The following ADAMTS17 variants were observed in gnomAD, a reference collection of about 807,000 sequenced individuals.
ADAMTS17 encodes the protein ADAM metallopeptidase with thrombospondin type 1 motif 17.
Under a neutral mutation model 141.5 loss-of-function variants are expected in ADAMTS17, and 113 were observed. The observed-to-expected ratio is 0.80, with a 90% confidence interval of 0.69 to 0.93. The LOEUF is 0.93. Ranked by LOEUF, ADAMTS17 falls within the 40% of genes least tolerant of loss-of-function variation. The probability of loss-of-function intolerance (pLI) is 0.00; values close to 1 mark genes in which losing one functional copy is unlikely to be tolerated. For missense variants in ADAMTS17, 1,659 were observed against 1,517.9 expected (o/e 1.09, Z -1.54); for synonymous variants, 768 against 630.6 (o/e 1.22, Z -3.27).
intron 14 of ADAMTS17, among the ~76,000 whole-genome samples, chr15:100,100,280 G>A (rs146593074): frequency 0.01 from 1,556 of 152,280 alleles, 37 homozygotes; most frequent in African/African-American, 0.035. Flanking sequence ...CTTCGACTCC[G>A]TGAAAGTGGG....
intron 18 of ADAMTS17, among the ~76,000 whole-genome samples, chr15:100,007,130 T>C (rs1031633199): frequency 6.6e-5 from 10 of 152,256 alleles, no homozygotes; most frequent in Admixed American, 1.3e-4. Flanking sequence ...ATCTGACAAG[T>C]GCTGTGAAGG....
At chr15:100,251,317 T>C (rs2043147221) in intron 7 of ADAMTS17, among the ~76,000 whole-genome samples, 2 of 152,194 alleles carry the variant, frequency 1.3e-5, no homozygotes, top group South Asian at 2.1e-4. Flanking sequence ...CCTAGTAACA[T>C]GTGACAAAGT....
At chr15:100,333,504 T>A (rs548135030) in intron 2 of ADAMTS17, among the ~76,000 whole-genome samples, 1 of 152,196 alleles carries the variant, frequency 6.6e-6, no homozygotes, top group Admixed American at 6.5e-5. Context: ...GAAAATTCAA[T>A]GTGTAGCCAG....
At chr15:100,325,377 C>T (rs1596528411) in intron 3 of ADAMTS17, among the ~76,000 whole-genome samples, 1 of 152,152 alleles carries the variant, frequency 6.6e-6, no homozygotes, top group East Asian at 1.9e-4. Flanking sequence ...CAACAGTGGG[C>T]CCTAATCCAA....
chr15:100,010,380 C>G (rs1199477610), intron 18 of ADAMTS17, among the ~76,000 whole-genome samples: 1 of 152,184 alleles, frequency 6.6e-6, no homozygotes, highest in Non-Finnish European at 1.5e-5. Context: ...AGGGGATGCT[C>G]CAGGCATGCA....
At chr15:100,134,147 G>A (rs144448809) in intron 10 of ADAMTS17, among the ~76,000 whole-genome samples, 72 of 152,282 alleles carry the variant, frequency 4.7e-4, no homozygotes, top group Admixed American at 1.9e-3. Flanking sequence ...GACAGGAGCT[G>A]GTAACTCCCC....
intron 14 of ADAMTS17, among the ~76,000 whole-genome samples, chr15:100,102,921 C>A (rs571542113): frequency 6.6e-6 from 1 of 152,206 alleles, no homozygotes; most frequent in Non-Finnish European, 1.5e-5. Flanking sequence ...CATTCTCAAG[C>A]CCACAGCTCT....
At chr15:100,330,495 C>T (rs1156285347) in intron 3 of ADAMTS17, among the ~76,000 whole-genome samples, 2 of 152,106 alleles carry the variant, frequency 1.3e-5, no homozygotes, top group African/African-American at 2.4e-5. Context: ...GCTTCAGAGG[C>T]GCCCCAGGTG....
intron 4 of ADAMTS17, among the ~76,000 whole-genome samples, chr15:100,274,844 CCTTTTCATTTG>C (rs1048509060): frequency 4.7e-5 from 7 of 148,916 alleles, no homozygotes; most frequent in Non-Finnish European, 9.0e-5. Context: ...CTTTTAATTC[CCTTTTCATTTG>C]CTTTTGTATG....
chr15:100,223,817 GTA>G (rs1596312505), intron 7 of ADAMTS17, among the ~76,000 whole-genome samples: 2 of 151,596 alleles, frequency 1.3e-5, no homozygotes, highest in African/African-American at 4.9e-5. Context: ...GTGTGTGTGT[GTA>G]TATATGTGTG....
intron 7 of ADAMTS17, among the ~76,000 whole-genome samples, chr15:100,200,929 G>A (rs954285261): frequency 2.6e-5 from 4 of 152,162 alleles, no homozygotes; most frequent in African/African-American, 7.2e-5. Context: ...TCCCTCTGTC[G>A]AGCTGCACAT....
At chr15:100,176,014 C>T (rs917075929) in intron 8 of ADAMTS17, among the ~76,000 whole-genome samples, 4 of 152,214 alleles carry the variant, frequency 2.6e-5, no homozygotes, top group African/African-American at 2.4e-5. Context: ...TGGCCTGCCC[C>T]GTGATCTGTC....
At chr15:100,173,665 G>A (rs549124394) in intron 8 of ADAMTS17, among the ~76,000 whole-genome samples, 2 of 152,322 alleles carry the variant, frequency 1.3e-5, no homozygotes, top group South Asian at 2.1e-4. Context: ...CTCTGCAAGT[G>A]GCAAGCTACT....
intron 15 of ADAMTS17, among the ~76,000 whole-genome samples, chr15:100,085,119 T>G (rs2035012955): frequency 6.6e-6 from 1 of 151,960 alleles, no homozygotes; most frequent in African/African-American, 2.4e-5. Context: ...AATGGCTAAC[T>G]AGAATAACCA....
chr15:99,973,910 G>A lies in ADAMTS17; in HGVS notation c.*492C>T, dbSNP rs2060264192. Reference sequence around the variant, plus strand: ...GTAGATGGAGAGAAACGTGTGCTAAGCAGCCCGGCCCTCCCCAGAGAAGCC... The same window carrying A: ...GTAGATGGAGAGAAACGTGTGCTAAACAGCCCGGCCCTCCCCAGAGAAGCC... On this transcript the variant is annotated 3_prime_UTR_variant, in exon 22 of 22. Coordinates refer to ENST00000268070, the MANE Select transcript of ADAMTS17 (RefSeq NM_139057.4). 4.4e-6 allele frequency: 1 copy of A among 228,086 alleles called. No individual in the cohort carries two copies. Among genetic ancestry groups the A allele is most frequent in the Non-Finnish European group, 8.8e-6 (1 of 113,960 alleles). 14.1% of individuals were successfully genotyped at this position (228,086 alleles called of 1,614,324 possible). A position where few individuals can be genotyped will look rare whatever the true frequency, so the allele number is the denominator to read the frequency against.
intron 3 of ADAMTS17, among the ~76,000 whole-genome samples, chr15:100,309,054 G>C (rs142002662): frequency 6.6e-6 from 1 of 152,224 alleles, no homozygotes; most frequent in Non-Finnish European, 1.5e-5. Flanking sequence ...GAGGCTGGAC[G>C]CTGCATGCCC....
chr15:100,159,555 G>A (rs2039594490), intron 8 of ADAMTS17, among the ~76,000 whole-genome samples: 2 of 152,206 alleles, frequency 1.3e-5, no homozygotes, highest in South Asian at 4.1e-4. Flanking sequence ...TGAAAGTTTT[G>A]ATGGATTTCA....
At chr15:100,105,533 G>A (rs2036363555) in intron 14 of ADAMTS17, among the ~76,000 whole-genome samples, 1 of 152,178 alleles carries the variant, frequency 6.6e-6, no homozygotes. Flanking sequence ...TGGACTGGAT[G>A]TTTGTGTCTT....
At position 100,159,829 on chromosome 15, in the gene ADAMTS17, G is replaced by C. The variant is rs115372902; in HGVS notation, c.1182-4509C>G. ...TGCACTTGGAAGCAACGAGGCAAAT[G>C]CAAGGCCTTCATTGTATCAACGATG... is the stretch of plus-strand genomic sequence containing the variant. On this transcript the variant is annotated intron_variant, in intron 8 of 21. Coordinates refer to ENST00000268070, the MANE Select transcript of ADAMTS17 (RefSeq NM_139057.4). 4.6e-3 allele frequency among the ~76,000 whole-genome samples: 701 copies of C among 152,328 alleles called. 5 individuals carry two copies. Among genetic ancestry groups the C allele is most frequent in the African/African-American group, 0.015 (640 of 41,576 alleles).
Sources: allele counts gnomAD v4.1 joint callset (sites outside exome capture counted in the v4.1 genomes callset), GRCh38; gene constraint gnomAD v4.1.1; transcripts MANE v1.5; gene names NCBI Gene and HGNC (gene_info 2026-07-23, HGNC 2026-07-21).